The following DPH6 variants were observed in gnomAD, a reference collection of about 807,000 sequenced individuals.
DPH6 encodes diphthamine biosynthesis 6.
In DPH6, 33 loss-of-function variants were observed where a neutral mutation model predicts 38.2. That is an observed-to-expected ratio of 0.86 (90% CI 0.65 to 1.15). The LOEUF is 1.15. DPH6 is among the 50% of genes most tolerant of loss of function. DPH6 has a pLI of 0.00. For synonymous variants in DPH6, 108 were observed against 103.0 expected (o/e 1.05, Z -0.30); for missense variants, 325 against 320.0 (o/e 1.02, Z -0.12).
intron 3 of DPH6, among the ~76,000 whole-genome samples, chr15:35,226,629 G>A (rs544851537): frequency 1.4e-3 from 213 of 152,208 alleles, no homozygotes; most frequent in Non-Finnish European, 2.4e-3. Flanking sequence ...AACTGAAGAG[G>A]TGAAAGACCT....
the DPH6 span, among the ~76,000 whole-genome samples, chr15:35,184,391 A>G: frequency 1.3e-5 from 2 of 152,202 alleles, no homozygotes; most frequent in South Asian, 2.1e-4. Context: ...CTGAGCTTCT[A>G]AAATAAACTC....
exon 4 of DPH6, chr15:35,218,089 A>G (rs1437821319): frequency 1.3e-5 from 2 of 152,158 alleles, no homozygotes; most frequent in Non-Finnish European, 2.9e-5. Context: ...GGTTGAATCC[A>G]CAGATGCAGA....
chr15:35,273,894 G>GA (rs1385571189), intron 3 of DPH6, among the ~76,000 whole-genome samples: 1 of 152,106 alleles, frequency 6.6e-6, no homozygotes, highest in Non-Finnish European at 1.5e-5. Context: ...TGCAGAAGTA[G>GA]AAAAAAACTA....
At chr15:35,471,950 C>T (rs1566922600) in intron 3 of DPH6, among the ~76,000 whole-genome samples, 2 of 152,096 alleles carry the variant, frequency 1.3e-5, no homozygotes, top group East Asian at 1.9e-4. Context: ...GTGGGCCCTA[C>T]AATAAATGTA....
intron 6 of DPH6, chr15:35,401,361 T>C (rs2053216619): frequency 5.3e-6 from 4 of 752,588 alleles, no homozygotes; most frequent in South Asian, 4.1e-5. Context: ...CTGATGGGTA[T>C]GGCGGCAGTG....
intron 3 of DPH6, among the ~76,000 whole-genome samples, chr15:35,285,492 C>T (rs182960397): frequency 8.6e-4 from 131 of 152,288 alleles, no homozygotes; most frequent in African/African-American, 3.1e-3. Flanking sequence ...TAAGATGTGA[C>T]TTGCTCCTCC....
chr15:35,229,002 T>C (rs1052325592), intron 3 of DPH6, among the ~76,000 whole-genome samples: 3 of 152,222 alleles, frequency 2.0e-5, no homozygotes, highest in African/African-American at 7.2e-5. Context: ...CTTTGAAAGT[T>C]TGATTATTAA....
chr15:35,539,450 ATAAAAAG>A, intron 2 of DPH6, among the ~76,000 whole-genome samples: 1 of 152,166 alleles, frequency 6.6e-6, no homozygotes, highest in Middle Eastern at 3.4e-3. Context: ...AAAGATGGGG[ATAAAAAG>A]TGTTAAATGG....
intron 3 of DPH6, among the ~76,000 whole-genome samples, chr15:35,314,569 G>A (rs1018278094): frequency 6.6e-6 from 1 of 152,160 alleles, no homozygotes; most frequent in Admixed American, 6.5e-5. Context: ...CAAGAGCCTT[G>A]AAGATGAGGA....
intron 5 of DPH6, among the ~76,000 whole-genome samples, chr15:35,440,802 A>G (rs2053778174): frequency 6.6e-6 from 1 of 152,226 alleles, no homozygotes; most frequent in African/African-American, 2.4e-5. Flanking sequence ...CAACATTGAC[A>G]AATGGGATCT....
At chr15:35,285,542 G>GT (rs2051935287) in intron 3 of DPH6, among the ~76,000 whole-genome samples, 1 of 152,122 alleles carries the variant, frequency 6.6e-6, no homozygotes, top group Admixed American at 6.5e-5. Flanking sequence ...CCAGTTATGT[G>GT]TAACTGTAAG....
At chr15:35,520,238 A>C (rs1164221994) in intron 3 of DPH6, 27 of 827,376 alleles carry the variant, frequency 3.3e-5, no homozygotes, top group Non-Finnish European at 3.5e-5. Flanking sequence ...AACAAAAAAA[A>C]AACAAAAGAA....
At chr15:35,266,555 T>C (rs147391860) in intron 3 of DPH6, among the ~76,000 whole-genome samples, 60 of 152,328 alleles carry the variant, frequency 3.9e-4, no homozygotes, top group African/African-American at 1.4e-3. Context: ...AAATTTAATA[T>C]TGTAGCAGTC....
chr15:35,216,490 C>A (rs949083907), downstream of DPH6, among the ~76,000 whole-genome samples: 2 of 152,070 alleles, frequency 1.3e-5, no homozygotes, highest in Admixed American at 6.5e-5. Flanking sequence ...TTGCTTCTTA[C>A]AATAGTCTGA....
chr15:35,298,671 GC>G, intron 3 of DPH6: 1 of 1,483,624 alleles, frequency 6.7e-7, no homozygotes, highest in Non-Finnish European at 9.4e-7. Flanking sequence ...GCGGTGCTCA[GC>G]CCCTGCTCAT....
intron 3 of DPH6, among the ~76,000 whole-genome samples, chr15:35,525,518 G>C (rs886295569): frequency 1.3e-5 from 2 of 152,154 alleles, no homozygotes; most frequent in Non-Finnish European, 2.9e-5. Flanking sequence ...CAAGCTCAGG[G>C]GACAACTAAT....
chr15:35,398,389 A>C (rs111726723), intron 6 of DPH6, among the ~76,000 whole-genome samples: 148 of 152,312 alleles, frequency 9.7e-4, no homozygotes, highest in African/African-American at 3.5e-3. Flanking sequence ...AAAAGTGCTG[A>C]AAGTTTAGTT....
At chr15:35,395,191 C>T (rs2053115191) in intron 6 of DPH6, among the ~76,000 whole-genome samples, 1 of 152,102 alleles carries the variant, frequency 6.6e-6, no homozygotes, top group Non-Finnish European at 1.5e-5. Flanking sequence ...CAATTTGGTG[C>T]TAATTTCTTT....
the DPH6 span, among the ~76,000 whole-genome samples, chr15:35,182,528 G>A: frequency 2.2e-3 from 332 of 151,850 alleles, 3 homozygotes; most frequent in Admixed American, 0.012. Flanking sequence ...CTTACCCACC[G>A]ACAAAATTTT....
Sources: allele counts gnomAD v4.1 joint callset (sites outside exome capture counted in the v4.1 genomes callset), GRCh38; gene constraint gnomAD v4.1.1; transcripts MANE v1.5; gene names NCBI Gene and HGNC (gene_info 2026-07-23, HGNC 2026-07-21).